The following ARAP2 variants were observed in gnomAD, a reference collection of about 807,000 sequenced individuals.
ARAP2 encodes the protein ArfGAP with RhoGAP domain, ankyrin repeat and PH domain 2.
Under a neutral mutation model 194.5 loss-of-function variants are expected in ARAP2, and 148 were observed. That is an observed-to-expected ratio of 0.76 (90% CI 0.67 to 0.87). ARAP2 has a LOEUF of 0.87. ARAP2 is among the 40% of genes least tolerant of loss of function. The pLI, the probability that ARAP2 is intolerant of heterozygous loss-of-function variation, is 0.00. For missense variants in ARAP2, 2,128 were observed against 1,989.7 expected (o/e 1.07, Z -1.32); for synonymous variants, 695 against 683.5 (o/e 1.02, Z -0.26).
intron 5 of ARAP2, among the ~76,000 whole-genome samples, chr4:36,211,794 T>C (rs1336003803): frequency 1.3e-5 from 2 of 152,120 alleles, no homozygotes; most frequent in Non-Finnish European, 2.9e-5. Context: ...TATCAAAATA[T>C]GTTATGTACC....
Position 36,187,437 on chromosome 4 carries a change from A to G in ARAP2, c.1678+14T>C, listed in dbSNP as rs1035965348. Reference sequence around the variant, plus strand: ...AAATTAATGTATTTCATATGGATAAATAAATAATCTCACCTTCTTTTTCTA... The same window carrying G: ...AAATTAATGTATTTCATATGGATAAGTAAATAATCTCACCTTCTTTTTCTA... On this transcript the variant is annotated intron_variant, in intron 8 of 32. Coordinates refer to ENST00000303965, the MANE Select transcript of ARAP2 (RefSeq NM_015230.4). The G allele has an allele frequency of 1.4e-5, 19 of 1,354,266 alleles. No homozygotes were observed. The highest frequency in any genetic ancestry group is 1.9e-5 in the Non-Finnish European group (19 of 999,402). The allele number at this position is 1,354,266 out of a possible 1,614,324, so 83.9% of individuals were successfully genotyped here.
At chr4:36,151,788 AC>A (rs1438076275) in intron 15 of ARAP2, among the ~76,000 whole-genome samples, 2 of 152,170 alleles carry the variant, frequency 1.3e-5, no homozygotes, top group Non-Finnish European at 2.9e-5. Flanking sequence ...GTATATACAT[AC>A]ATATGATACA....
At chr4:36,014,196 A>G (rs1484265470) in intron 8 of ARAP2, among the ~76,000 whole-genome samples, 1 of 146,884 alleles carries the variant, frequency 6.8e-6, no homozygotes, top group Non-Finnish European at 1.5e-5. Flanking sequence ...AACTACACTC[A>G]AGCCTAGGTG....
chr4:36,189,329 C>T (rs1461754663), intron 7 of ARAP2, among the ~76,000 whole-genome samples: 4 of 151,940 alleles, frequency 2.6e-5, no homozygotes, highest in Admixed American at 1.3e-4. Flanking sequence ...ATAGTGATGT[C>T]GTGATACATA....
At chr4:36,200,507 G>A (rs546760558) in intron 6 of ARAP2, among the ~76,000 whole-genome samples, 1 of 152,122 alleles carries the variant, frequency 6.6e-6, no homozygotes, top group Non-Finnish European at 1.5e-5. Flanking sequence ...TAGCTGTCTC[G>A]GCCTCCCAAA....
chr4:36,159,533 T>G (rs764483194), intron 13 of ARAP2, 28 bp from the exon 14 acceptor site: 1 of 1,459,088 alleles, frequency 6.9e-7, no homozygotes, highest in South Asian at 1.5e-5. Context: ...ATATACATCT[T>G]AAGGAAAGAA....
intron 5 of ARAP2, among the ~76,000 whole-genome samples, chr4:36,020,235 AC>A: frequency 6.6e-6 from 1 of 151,488 alleles, no homozygotes; most frequent in Non-Finnish European, 1.5e-5. Flanking sequence ...ACATGGTGAA[AC>A]CCCGCCTCTA....
At chr4:36,131,395 A>G (rs1221002891) in intron 20 of ARAP2, among the ~76,000 whole-genome samples, 1 of 150,382 alleles carries the variant, frequency 6.6e-6, no homozygotes, top group African/African-American at 2.4e-5. Flanking sequence ...CATATACATC[A>G]TATGTTATAT....
intron 19 of ARAP2, among the ~76,000 whole-genome samples, chr4:36,145,153 T>C (rs527295387): frequency 1.3e-5 from 2 of 151,896 alleles, no homozygotes; most frequent in South Asian, 4.2e-4. Flanking sequence ...GAACTACCAT[T>C]TGATCCAGCA....
Position 36,210,595 on chromosome 4 carries a change from T to G in ARAP2, c.1282A>C (p.Lys428Gln). Residue 428 changes from lysine (K) to glutamine (Q), a missense_variant, in exon 6 of 33, where the codon AAA becomes CAA. Coordinates refer to ENST00000303965, the MANE Select transcript of ARAP2 (RefSeq NM_015230.4). ...VEECFQSLRR[K>Q]NSKASKSRTQ... ...CTAGATTTAGATGCCTTTGAATTTT[T>G]TCTTCTTAAACTCTGAAAGCATTCT... 6.2e-7 allele frequency: 1 copy of G among 1,613,984 alleles called. No individual in the cohort carries two copies. Among genetic ancestry groups the G allele is most frequent in the Non-Finnish European group, 8.5e-7 (1 of 1,179,890 alleles).
At chr4:36,007,332 T>G (rs1019731787) in intron 9 of ARAP2, among the ~76,000 whole-genome samples, 2 of 152,102 alleles carry the variant, frequency 1.3e-5, no homozygotes, top group African/African-American at 2.4e-5. Context: ...AAACACAAGT[T>G]TCCTTAAAAA....
intron 15 of ARAP2, 40 bp from the exon 16 acceptor site, chr4:36,151,084 T>C: frequency 6.5e-7 from 1 of 1,539,724 alleles, no homozygotes; most frequent in South Asian, 1.3e-5. Flanking sequence ...ATTGAGCTAA[T>C]CACGAATCCA....
chr4:36,128,461 A>G (rs1724496518), intron 21 of ARAP2, 72 bp downstream of exon 21: 1 of 897,438 alleles, frequency 1.1e-6, no homozygotes, highest in East Asian at 3.6e-5. Context: ...GCAAGCATGT[A>G]TTATGGTCTA....
At position 36,164,917 on chromosome 4, in the gene ARAP2, C is replaced by A. The variant is rs1379995562; in HGVS notation, c.2170G>T (p.Ala724Ser). 20 of 1,613,802 alleles carry A rather than the reference C, an allele frequency of 1.2e-5. No individual in the cohort carries two copies. Among genetic ancestry groups the A allele is most frequent in the Non-Finnish European group, 1.6e-5 (19 of 1,179,806 alleles). The change falls in exon 11 of 33, where the codon GCA becomes TCA. Residue 724 changes from alanine to serine, a missense_variant. Coordinates refer to ENST00000303965, the MANE Select transcript of ARAP2 (RefSeq NM_015230.4). Reference protein sequence around the residue: ...NLCVVICKKCAGQHRSLGPKD... With the variant: ...NLCVVICKKCSGQHRSLGPKD... The stretch of plus-strand genomic sequence containing the variant: ...AGCATAACTTGTCACTAATTACCTG[C>A]ACACTTCTTACAGATGACAACACAG...
intron 11 of ARAP2, 108 bp downstream of exon 11, chr4:36,164,806 G>T: frequency 9.2e-7 from 1 of 1,081,806 alleles, no homozygotes; most frequent in African/African-American, 1.6e-5. Flanking sequence ...GCTTTCTCTG[G>T]TTTTACTTCT....
intron 1 of ARAP2, among the ~76,000 whole-genome samples, chr4:36,234,472 C>A (rs1015445810): frequency 6.6e-6 from 1 of 152,058 alleles, no homozygotes; most frequent in Non-Finnish European, 1.5e-5. Context: ...AAATCGGGAG[C>A]GGGGGGTGGG....
At chr4:36,162,831 T>G (rs1018083670) in intron 11 of ARAP2, among the ~76,000 whole-genome samples, 11 of 152,046 alleles carry the variant, frequency 7.2e-5, no homozygotes, top group African/African-American at 2.7e-4. Context: ...GCAGACAGAT[T>G]GAGAGAGATT....
intron 5 of ARAP2, among the ~76,000 whole-genome samples, chr4:36,033,490 G>A (rs1473150527): frequency 1.4e-5 from 1 of 73,758 alleles, no homozygotes; most frequent in Non-Finnish European, 3.5e-5. Flanking sequence ...TTTTCAATGG[G>A]GTCGTTTTTT....
intron 26 of ARAP2, among the ~76,000 whole-genome samples, chr4:36,112,889 CAT>C (rs564500911): frequency 6.7e-4 from 101 of 151,846 alleles, no homozygotes; most frequent in African/African-American, 2.4e-3. Flanking sequence ...CCAGTTAATA[CAT>C]GTTAGCCAAG....
Sources: gnomAD v4.1 joint callset for allele counts (sites outside exome capture counted in the v4.1 genomes callset) on GRCh38, gnomAD v4.1.1 for gene constraint, MANE v1.5 for transcripts, NCBI Gene and HGNC (gene_info 2026-07-23, HGNC 2026-07-21) for gene names.